The following RELN variants were observed in gnomAD, a reference collection of about 807,000 sequenced individuals.
The protein encoded by RELN is reelin.
RELN carries 108 observed loss-of-function variants against 427.6 expected under a neutral mutation model. The observed-to-expected ratio is 0.25, with a 90% CI of 0.22 to 0.30. The LOEUF is 0.30. Ranked by LOEUF, RELN falls within the 10% of genes least tolerant of loss-of-function variation. The pLI is 1.00. For missense variants in RELN, 3,715 were observed against 4,302.8 expected, an observed-to-expected ratio of 0.86 and a Z score of 3.82; for synonymous variants, 1,524 against 1,513.4, an observed-to-expected ratio of 1.01 and a Z score of -0.16.
intron 3 of RELN, among the ~76,000 whole-genome samples, chr7:103,817,954 A>AG (rs1359256982): frequency 2.7e-5 from 4 of 150,730 alleles, no homozygotes; most frequent in African/African-American, 7.3e-5. Context: ...AAAAAAAAAA[A>AG]AAAAAAAGAA....
At chr7:103,932,287 C>A (rs1322529823) in intron 1 of RELN, among the ~76,000 whole-genome samples, 1 of 152,136 alleles carries the variant, frequency 6.6e-6, no homozygotes, top group Non-Finnish European at 1.5e-5. Context: ...AATGCAGGAA[C>A]AGAAAACCAA....
chr7:103,737,793 A>G (rs138493487), intron 6 of RELN, among the ~76,000 whole-genome samples: 76 of 152,314 alleles, frequency 5.0e-4, no homozygotes, highest in African/African-American at 1.8e-3. Flanking sequence ...TACATATGAA[A>G]ATGGAAATGT....
Position 103,652,665 on chromosome 7 carries a change from C to A in RELN, c.1649G>T (p.Arg550Met), listed in dbSNP as rs773589573. 6.8e-6 allele frequency: 11 copies of A among 1,612,892 alleles called. No individual in the cohort carries two copies. The Admixed American group carries it at 1.7e-4, about 25-fold the overall frequency. Residue 550 changes from arginine (R) to methionine (M), a missense_variant, in exon 14 of 65, where the codon AGG becomes ATG. Arg to Met is a moderately conservative substitution (Grantham distance 91). This residue lies in a region of RELN where 2,208 missense variants were observed against 2,361.7 expected (regional missense o/e 0.93). Transcript: ENST00000428762. Reference sequence around the variant, plus strand: ...GAAAAAGTCTACAGCCCAGACATTCCTATTATGTCCTTGATGGTTCTTTTG... The same window carrying A: ...GAAAAAGTCTACAGCCCAGACATTCATATTATGTCCTTGATGGTTCTTTTG... ...LRQKNHQGHN[R>M]NVWAVDFFHV...
chr7:103,690,846 G>A (rs1389560274), intron 10 of RELN, among the ~76,000 whole-genome samples: 1 of 151,996 alleles, frequency 6.6e-6, no homozygotes, highest in Non-Finnish European at 1.5e-5. Context: ...AAATTATGAT[G>A]GTAATTAGAA....
chr7:103,761,796 T>C (rs10487172), intron 4 of RELN, among the ~76,000 whole-genome samples: 30,697 of 152,168 alleles, frequency 0.2, 3,935 homozygotes, highest in South Asian at 0.44. Context: ...GTAGCAACTT[T>C]TAAAAATCCT....
chr7:103,849,897 G>A (rs888532502), intron 2 of RELN, among the ~76,000 whole-genome samples: 13 of 152,254 alleles, frequency 8.5e-5, no homozygotes, highest in African/African-American at 3.1e-4. Context: ...CTTTCTCTCT[G>A]TTATGGCAAA....
At chr7:103,673,808 G>A (rs1305083844) in intron 11 of RELN, among the ~76,000 whole-genome samples, 1 of 152,060 alleles carries the variant, frequency 6.6e-6, no homozygotes, top group Non-Finnish European at 1.5e-5. Flanking sequence ...AGAGGGTTTA[G>A]AATTTTCTTT....
At chr7:103,975,812 C>T (rs1796868114) in intron 1 of RELN, among the ~76,000 whole-genome samples, 3 of 150,984 alleles carry the variant, frequency 2.0e-5, no homozygotes, top group Admixed American at 1.3e-4. Flanking sequence ...TCCCAAAGTG[C>T]TAGGATTACA....
rs377577432 is a variant in RELN at position 103,542,963 on chromosome 7, A to ATACTCAT, written c.6524-86_6524-85insATGAGTA. ...TTTTTAAAAGGAGTATGGTAAATGC[A>ATACTCAT]TTATGTAGTTTCAAAATATGAAGTC... On this transcript the variant is annotated intron_variant, in intron 42 of 64. Coordinates refer to ENST00000428762, the MANE Select transcript of RELN (RefSeq NM_005045.4). 0.054 allele frequency: 73,896 copies of ATACTCAT among 1,359,194 alleles called. 3,070 individuals are homozygous for ATACTCAT. Among genetic ancestry groups the ATACTCAT allele is most frequent in the East Asian group, 0.2 (8,707 of 43,452 alleles). The allele number at this position is 1,359,194 out of a possible 1,614,324, so 84.2% of individuals were successfully genotyped here.
chr7:103,599,550 T>C (rs1831616282), intron 24 of RELN, among the ~76,000 whole-genome samples: 1 of 152,194 alleles, frequency 6.6e-6, no homozygotes, highest in Admixed American at 6.5e-5. Flanking sequence ...AGACTCCACA[T>C]TCTGCTTGGT....
At chr7:103,902,814 T>C (rs762860725) in intron 2 of RELN, among the ~76,000 whole-genome samples, 1 of 152,156 alleles carries the variant, frequency 6.6e-6, no homozygotes, top group African/African-American at 2.4e-5. Flanking sequence ...ATTGGACTCC[T>C]ACATCTACTT....
intron 24 of RELN, 89 bp from the exon 25 acceptor site, chr7:103,596,750 A>C: frequency 9.0e-7 from 1 of 1,112,558 alleles, no homozygotes; most frequent in Non-Finnish European, 1.4e-6. Context: ...TGGACATCTT[A>C]GCACTATGTG....
chr7:103,773,366 TCTCC>T (rs1173778068), intron 4 of RELN, among the ~76,000 whole-genome samples: 17 of 34,664 alleles, frequency 4.9e-4, no homozygotes, highest in African/African-American at 2.1e-3. Flanking sequence ...CCTCTCTCTC[TCTCC>T]CTCCCTCCCT....
intron 4 of RELN, among the ~76,000 whole-genome samples, chr7:103,767,839 C>T (rs6951931): frequency 0.2 from 30,704 of 152,088 alleles, 3,273 homozygotes; most frequent in Middle Eastern, 0.34. Context: ...GTCACCTTCT[C>T]AGTGAGGTCT....
At chr7:103,515,964 G>A (rs1010969343) in intron 49 of RELN, among the ~76,000 whole-genome samples, 69 of 152,196 alleles carry the variant, frequency 4.5e-4, no homozygotes, top group African/African-American at 1.4e-3. Flanking sequence ...CTGTGGTGCA[G>A]ACACTGACTT....
At chr7:103,632,177 T>C (rs979052166) in intron 19 of RELN, among the ~76,000 whole-genome samples, 7 of 152,212 alleles carry the variant, frequency 4.6e-5, no homozygotes, top group Non-Finnish European at 7.4e-5. Flanking sequence ...TGGGCCAGAG[T>C]TCCCACTCTG....
At position 103,575,628 on chromosome 7, in the gene RELN, A is replaced by G. The variant is rs1830980572; in HGVS notation, c.4223T>C (p.Ile1408Thr). The change falls in exon 29 of 65, where the codon ATA becomes ACA. Residue 1408 changes from isoleucine to threonine, a missense_variant. By Grantham distance (89) the Ile-to-Thr change is moderately conservative. This residue lies in a region of RELN where 2,208 missense variants were observed against 2,361.7 expected (regional missense o/e 0.93). Transcript: ENST00000428762. ...VPPFGLDGVY[I>T]SEPCPSYCSG... ...GCAGTAACTGGGACAAGGCTCGGAT[A>G]TGTACACTCCATCTAAACCAAATGG... The G allele has an allele frequency of 3.1e-6, 5 of 1,614,154 alleles. No individual in the cohort carries two copies. Among genetic ancestry groups the G allele is most frequent in the Non-Finnish European group, 4.2e-6 (5 of 1,179,986 alleles).
At chr7:103,967,728 T>C (rs1488348451) in intron 1 of RELN, among the ~76,000 whole-genome samples, 1 of 152,208 alleles carries the variant, frequency 6.6e-6, no homozygotes, top group Admixed American at 6.5e-5. Context: ...CTGCTCACTG[T>C]TCACAAAACT....
intron 6 of RELN, among the ~76,000 whole-genome samples, chr7:103,730,196 T>A (rs1256411347): frequency 6.6e-6 from 1 of 152,150 alleles, no homozygotes; most frequent in East Asian, 1.9e-4. Context: ...AAAGTGTCAC[T>A]GTTGATGTGA....
Sources: gnomAD v4.1 joint callset for allele counts (sites outside exome capture counted in the v4.1 genomes callset) on GRCh38, gnomAD v4.1.1 for gene constraint, gnomAD v4.1.1 regional missense constraint, MANE v1.5 for transcripts, NCBI Gene and HGNC (gene_info 2026-07-23, HGNC 2026-07-21) for gene names.